Variants in MARF1 observed in about 807,000 individuals in gnomAD.
The protein encoded by MARF1 is meiosis regulator and mRNA stability factor 1.
MARF1 carries 24 observed loss-of-function variants against 168.2 expected under a neutral mutation model. The observed-to-expected ratio is 0.14, with a 90% CI of 0.10 to 0.20. The LOEUF is 0.20. Ranked by LOEUF, MARF1 falls within the 10% of genes least tolerant of loss-of-function variation. MARF1 has a pLI of 1.00. For missense variants in MARF1, 1,744 were observed against 2,143.6 expected (o/e 0.81, Z 3.68); for synonymous variants, 868 against 822.4 (o/e 1.06, Z -0.95).
chr16:15,641,052 C>T (rs1272503109), intron 1 of MARF1, among the ~76,000 whole-genome samples: 2 of 152,182 alleles, frequency 1.3e-5, no homozygotes, highest in Non-Finnish European at 2.9e-5. Flanking sequence ...CTATATTGTG[C>T]CACTGGCCCT....
At chr16:15,604,454 T>C (rs1451517894) in intron 21 of MARF1, 56 bp from the exon 22 acceptor site, 38 of 1,238,508 alleles carry the variant, frequency 3.1e-5, no homozygotes, top group Non-Finnish European at 1.8e-5. Flanking sequence ...CCCTAGGTTA[T>C]ACCCAACTCA....
At chr16:15,619,702 C>A (rs11647068) in intron 13 of MARF1, among the ~76,000 whole-genome samples, 1 of 152,184 alleles carries the variant, frequency 6.6e-6, no homozygotes, top group South Asian at 2.1e-4. Flanking sequence ...AGGACAAGAC[C>A]TAAGTCTTGC....
chr16:15,594,480 C>T lies in MARF1; in HGVS notation c.*2213G>A, dbSNP rs554806989. On this transcript the variant is annotated 3_prime_UTR_variant, in exon 27 of 27. Coordinates refer to ENST00000396368, the MANE Select transcript of MARF1 (RefSeq NM_014647.4). The stretch of plus-strand genomic sequence containing the variant: ...AACAAAAGTGTTCAAACAAAGTAGA[C>T]AACTAAGAAAAACATCTCTTTCCCC... 6.5e-6 allele frequency: 1 copy of T among 152,694 alleles called. No individual in the cohort carries two copies. Among genetic ancestry groups the T allele is most frequent in the Admixed American group, 6.5e-5 (1 of 15,296 alleles). The allele number at this position is 152,694 out of a possible 1,614,324, so 9.5% of individuals were successfully genotyped here.
rs777711961 is a variant in MARF1 at position 15,610,960 on chromosome 16, T to C, written c.3751+15A>G. ...AGATAGACAATATCCTTCCAGCAAATGTTAAGTCACATACCTCTTTTGGGG... is the reference window on the plus strand; with the variant it reads ...AGATAGACAATATCCTTCCAGCAAACGTTAAGTCACATACCTCTTTTGGGG... On this transcript the variant is annotated intron_variant, in intron 19 of 26. Transcript: ENST00000396368. 2.5e-6 allele frequency: 4 copies of C among 1,611,466 alleles called. No individual in the cohort carries two copies. The Admixed American group carries it at 5.0e-5, about 20-fold the overall frequency.
At chr16:15,617,622 A>G in intron 13 of MARF1, 87 bp from the exon 14 acceptor site, 1 of 859,598 alleles carries the variant, frequency 1.2e-6, no homozygotes, top group Non-Finnish European at 1.8e-6. Context: ...AAAGAACAAT[A>G]ACCAAGAATG....
At chr16:15,637,205 T>C (rs1264473927) in intron 2 of MARF1, among the ~76,000 whole-genome samples, 2 of 152,092 alleles carry the variant, frequency 1.3e-5, no homozygotes, top group Admixed American at 6.5e-5. Flanking sequence ...GAGGATAAAA[T>C]AAGATAGAGC....
In MARF1 at chr16:15,595,595, G is replaced by A. The variant is rs557664639; in HGVS notation, c.*1098C>T. ...GAAACCCAGAGATGCTTCCAACAGCGAGAAGTAACGAGAGTAAAATCAGAC... is the reference window on the plus strand; with the variant it reads ...GAAACCCAGAGATGCTTCCAACAGCAAGAAGTAACGAGAGTAAAATCAGAC... On this transcript the variant is annotated 3_prime_UTR_variant, in exon 27 of 27. Transcript: ENST00000396368. 2 of 152,670 alleles carry A rather than the reference G, an allele frequency of 1.3e-5. No individual in the cohort carries two copies. The highest frequency in any genetic ancestry group is 2.1e-4 in the South Asian group (1 of 4,826). 9.5% of individuals were successfully genotyped at this position (152,670 alleles called of 1,614,324 possible).
chr16:15,598,860 G>T lies in MARF1; in HGVS notation c.4978C>A (p.Pro1660Thr). 6.2e-7 allele frequency: 1 copy of T among 1,614,030 alleles called. No individual in the cohort carries two copies. Residue 1660 changes from proline (P) to threonine (T), a missense_variant, in exon 26 of 27, where the codon CCT (proline) becomes ACT (threonine). By Grantham distance (38) the Pro-to-Thr change is conservative (BLOSUM62 -1). This residue lies in a region of MARF1 where 313 missense variants were observed against 337.4 expected (regional missense o/e 0.93). Transcript: ENST00000396368. Reference sequence around the variant, plus strand: ...ACAACATGGAGTCACCCACCAGAAGGCTCTTGAGGGCGCTCCTCAAACTGA... The same window carrying T: ...ACAACATGGAGTCACCCACCAGAAGTCTCTTGAGGGCGCTCCTCAAACTGA... ...LIQFEERPQE[P>T]SEIMILNQEE...
chr16:15,603,921 A>G (rs774844934), intron 22 of MARF1, among the ~76,000 whole-genome samples: 8 of 152,064 alleles, frequency 5.3e-5, no homozygotes, highest in Non-Finnish European at 1.2e-4. Flanking sequence ...TCAGGAGACC[A>G]GGCTTTCATC....
At chr16:15,604,485 T>C in intron 21 of MARF1, 87 bp from the exon 22 acceptor site, 1 of 839,796 alleles carries the variant, frequency 1.2e-6, no homozygotes, top group Non-Finnish European at 1.9e-6. Context: ...TTTTGGTTAA[T>C]GAGACCAACA....
At chr16:15,616,911 G>A (rs78517747) in intron 15 of MARF1, 141 bp downstream of exon 15, 42,373 of 1,224,346 alleles carry the variant, frequency 0.035, 845 homozygotes, top group Non-Finnish European at 0.041. Flanking sequence ...GTGCATGACT[G>A]TACTTTGACT....
intron 15 of MARF1, among the ~76,000 whole-genome samples, 178 bp from the exon 16 acceptor site, chr16:15,616,183 C>A (rs534280611): frequency 1.3e-5 from 2 of 152,280 alleles, no homozygotes; most frequent in Non-Finnish European, 2.9e-5. Context: ...GAGGCACTGG[C>A]CTCTCTGATG....
chr16:15,617,245 T>C (rs200421705), intron 14 of MARF1, 54 bp downstream of exon 14: 7 of 1,609,764 alleles, frequency 4.3e-6, no homozygotes, highest in South Asian at 1.1e-5. Context: ...CATCCTAACA[T>C]GTTCCACAAT....
intron 21 of MARF1, among the ~76,000 whole-genome samples, chr16:15,607,853 C>T (rs2033147154): frequency 6.6e-6 from 1 of 152,188 alleles, no homozygotes; most frequent in Non-Finnish European, 1.5e-5. Flanking sequence ...TCTGCACCCT[C>T]GCTTGCTCCT....
At chr16:15,638,694 G>T (rs1018806446) in intron 2 of MARF1, among the ~76,000 whole-genome samples, 1 of 152,066 alleles carries the variant, frequency 6.6e-6, no homozygotes, top group Non-Finnish European at 1.5e-5. Flanking sequence ...TAAAAAACAG[G>T]CAGTGGATAA....
rs746088145 is a variant in MARF1 at position 15,625,564 on chromosome 16, T to C, written c.1761A>G (p.Arg587=). 2 of 1,614,190 alleles carry C rather than the reference T, an allele frequency of 1.2e-6. No homozygotes were observed. The highest frequency in any genetic ancestry group is 3.3e-5 in the Admixed American group (2 of 60,026). ...RIIVSFTPKN[R]ELCETKSSNA... The stretch of plus-strand genomic sequence containing the variant: ...TTGAACTCTTTGTTTCACAGAGTTC[T>C]CTATTTTTTGGAGTAAATGACACAA... The change falls in exon 8 of 27, where the codon AGA becomes AGG. Residue 587 remains arginine, a synonymous_variant. Coordinates refer to ENST00000396368, the MANE Select transcript of MARF1 (RefSeq NM_014647.4).
intron 23 of MARF1, 98 bp downstream of exon 23, chr16:15,601,893 C>T (rs920606551): frequency 3.0e-5 from 28 of 948,958 alleles, no homozygotes; most frequent in Middle Eastern, 3.1e-4. Flanking sequence ...AAATGCCTGC[C>T]GTTCCATTAT....
At chr16:15,616,975 T>A in intron 15 of MARF1, 77 bp downstream of exon 15, 1 of 1,508,132 alleles carries the variant, frequency 6.6e-7, no homozygotes, top group East Asian at 2.3e-5. Flanking sequence ...TGTAAAGAGA[T>A]GTGGGCAGAA....
At chr16:15,598,707 G>A (rs2032031718) in intron 26 of MARF1, 147 bp downstream of exon 26, 2 of 825,000 alleles carry the variant, frequency 2.4e-6, no homozygotes, top group East Asian at 2.7e-5. Flanking sequence ...ACCCAGGTGG[G>A]GAAAGAAGGT....
Sources: allele counts gnomAD v4.1 joint callset (sites outside exome capture counted in the v4.1 genomes callset), GRCh38; gene constraint gnomAD v4.1.1; regional missense constraint gnomAD v4.1.1; transcripts MANE v1.5; gene names NCBI Gene and HGNC (gene_info 2026-07-23, HGNC 2026-07-21).